The following ERBB4 variants were observed in gnomAD, a reference collection of about 807,000 sequenced individuals.
The protein encoded by ERBB4 is erb-b2 receptor tyrosine kinase 4.
A neutral mutation model predicts 158.0 loss-of-function variants in ERBB4; 42 were observed. That is an observed-to-expected ratio of 0.27 (90% CI 0.21 to 0.34). The LOEUF is 0.34. Ranked by LOEUF, ERBB4 falls within the 10% of genes least tolerant of loss-of-function variation. The probability of loss-of-function intolerance (pLI) is 1.00; values close to 1 mark genes in which losing one functional copy is unlikely to be tolerated. For synonymous variants in ERBB4, 583 were observed against 558.7 expected, an observed-to-expected ratio of 1.04 and a Z score of -0.61; for missense variants, 1,333 against 1,624.1, an observed-to-expected ratio of 0.82 and a Z score of 3.08.
chr2:212,489,177 C>A (rs1690137292), intron 1 of ERBB4, among the ~76,000 whole-genome samples: 1 of 151,502 alleles, frequency 6.6e-6, no homozygotes, highest in Non-Finnish European at 1.5e-5. Flanking sequence ...TGACCTTTTC[C>A]CCTTATATCC....
chr2:212,379,307 AC>A (rs2090427577), intron 1 of ERBB4, among the ~76,000 whole-genome samples: 1 of 151,782 alleles, frequency 6.6e-6, no homozygotes, highest in Non-Finnish European at 1.5e-5. Context: ...GCACACAGCA[AC>A]AAAGTAGTCG....
At chr2:211,454,065 C>T (rs2064318768) in intron 20 of ERBB4, among the ~76,000 whole-genome samples, 1 of 152,130 alleles carries the variant, frequency 6.6e-6, no homozygotes. Flanking sequence ...TCCCCAGATA[C>T]GTAGCTATAA....
At chr2:211,758,552 G>C (rs1379536510) in intron 4 of ERBB4, among the ~76,000 whole-genome samples, 1 of 152,168 alleles carries the variant, frequency 6.6e-6, no homozygotes, top group Non-Finnish European at 1.5e-5. Context: ...AACAGAATTA[G>C]TTCCAATCAA....
chr2:211,792,258 T>C (rs1042687936), intron 3 of ERBB4, among the ~76,000 whole-genome samples: 4 of 151,782 alleles, frequency 2.6e-5, no homozygotes, highest in Non-Finnish European at 5.9e-5. Context: ...TCATAAAGTA[T>C]GAAGCTGTTA....
intron 19 of ERBB4, among the ~76,000 whole-genome samples, chr2:211,618,798 G>A (rs1448104033): frequency 6.6e-6 from 1 of 152,016 alleles, no homozygotes; most frequent in East Asian, 1.9e-4. Context: ...ATGAGCTTTG[G>A]TTATTAAATG....
intron 9 of ERBB4, among the ~76,000 whole-genome samples, chr2:211,709,274 T>TATACATATATATATATATAC (rs1553615210): frequency 5.1e-5 from 7 of 136,548 alleles, no homozygotes; most frequent in African/African-American, 2.0e-4. Flanking sequence ...TATATATATA[T>TATACATATATATATATATAC]ACATACATAT....
intron 1 of ERBB4, among the ~76,000 whole-genome samples, chr2:212,208,341 T>C (rs2082827734): frequency 6.6e-6 from 1 of 152,136 alleles, no homozygotes; most frequent in Non-Finnish European, 1.5e-5. Flanking sequence ...TCAACCCATA[T>C]CCTTCTTTTC....
At chr2:212,190,004 A>G (rs1471489981) in intron 1 of ERBB4, among the ~76,000 whole-genome samples, 2 of 152,204 alleles carry the variant, frequency 1.3e-5, no homozygotes, top group African/African-American at 4.8e-5. Context: ...CCTTTTTATA[A>G]TAAAGCCTAC....
At chr2:212,509,723 G>A (rs577208889) in intron 1 of ERBB4, among the ~76,000 whole-genome samples, 1 of 152,000 alleles carries the variant, frequency 6.6e-6, no homozygotes, top group Admixed American at 6.6e-5. Flanking sequence ...CAGAGCCCCT[G>A]CTTCAGAAAC....
intron 1 of ERBB4, among the ~76,000 whole-genome samples, chr2:212,525,722 T>C (rs993392374): frequency 2.0e-5 from 3 of 152,064 alleles, no homozygotes; most frequent in Non-Finnish European, 4.4e-5. Context: ...GATAATACTT[T>C]TCCACAAAAA....
intron 16 of ERBB4, among the ~76,000 whole-genome samples, chr2:211,633,896 C>T (rs545057074): frequency 1.0e-3 from 156 of 152,248 alleles, no homozygotes; most frequent in Admixed American, 1.6e-3. Flanking sequence ...CAGTGGCTCA[C>T]GCCTGTAATC....
chr2:211,867,024 C>CAAAAAAAAAAA lies in ERBB4; in HGVS notation c.422-78876_422-78866dup, dbSNP rs386392490. Among the ~76,000 whole-genome samples, 17 of 60,632 alleles carry CAAAAAAAAAAA rather than the reference C, an allele frequency of 2.8e-4. 1 individual carries two copies. Among genetic ancestry groups the CAAAAAAAAAAA allele is most frequent in the Admixed American group, 9.8e-4 (4 of 4,064 alleles). 39.8% of individuals were successfully genotyped at this position (60,632 alleles called of 152,430 possible). A position where few individuals can be genotyped will look rare whatever the true frequency, so the allele number is the denominator to read the frequency against. On this transcript the variant is annotated intron_variant, in intron 3 of 27. Transcript: ENST00000342788. ...TATTAAACTCTCCATTCCTTAAAAC[C>CAAAAAAAAAAA]AAAAAAAAAAAAAAAAAAAAAAAAA...
At chr2:212,007,966 A>G (rs551567659) in intron 2 of ERBB4, among the ~76,000 whole-genome samples, 1 of 152,132 alleles carries the variant, frequency 6.6e-6, no homozygotes, top group East Asian at 1.9e-4. Context: ...AGGGCCTTAC[A>G]TATATTGGAT....
chr2:212,348,271 G>A (rs371965715), intron 1 of ERBB4, among the ~76,000 whole-genome samples: 1 of 152,042 alleles, frequency 6.6e-6, no homozygotes, highest in African/African-American at 2.4e-5. Context: ...TTTTGGTAAG[G>A]CACCTACTTA....
At chr2:212,287,391 T>G (rs2086031502) in intron 1 of ERBB4, among the ~76,000 whole-genome samples, 1 of 152,148 alleles carries the variant, frequency 6.6e-6, no homozygotes, top group South Asian at 2.1e-4. Flanking sequence ...GTATAACTTT[T>G]GATAATTTTT....
At chr2:211,981,726 A>G (rs770066892) in intron 2 of ERBB4, among the ~76,000 whole-genome samples, 1 of 152,146 alleles carries the variant, frequency 6.6e-6, no homozygotes, top group Non-Finnish European at 1.5e-5. Flanking sequence ...TAATCATTTT[A>G]TCTTTTGCTA....
intron 3 of ERBB4, among the ~76,000 whole-genome samples, chr2:211,913,617 A>ATGTGTGTGTGTGTGTGTGTGTGTG (rs879271352): frequency 2.5e-5 from 3 of 118,486 alleles, no homozygotes; most frequent in South Asian, 2.7e-4. Flanking sequence ...ATATATATAT[A>ATGTGTGTGTGTGTGTGTGTGTGTG]TATGTGTGTG....
chr2:211,657,671 T>C lies in ERBB4; in HGVS notation c.1946+83A>G, dbSNP rs79483821. Reference sequence around the variant, plus strand: ...ATTATGAGTTACAATATATTATAAATTTAACCCAACTGGTTAGTACTTTTT... The same window carrying C: ...ATTATGAGTTACAATATATTATAAACTTAACCCAACTGGTTAGTACTTTTT... On this transcript the variant is annotated intron_variant, in intron 16 of 27. Coordinates refer to ENST00000342788, the MANE Select transcript of ERBB4 (RefSeq NM_005235.3). The C allele has an allele frequency of 3.6e-3, 3,825 of 1,055,682 alleles. 93 individuals are homozygous for C. In the African/African-American group the frequency reaches 0.053, roughly 15 times the overall value. The allele number at this position is 1,055,682 out of a possible 1,614,324, so 65.4% of individuals were successfully genotyped here.
At position 211,587,591 on chromosome 2, in the gene ERBB4, TTTG is replaced by T. The variant is rs553617481; in HGVS notation, c.2302-25506_2302-25504del. Among the ~76,000 whole-genome samples the T allele has an allele frequency of 1.1e-4, 16 of 152,172 alleles. No individual in the cohort carries two copies. The East Asian group carries it at 3.1e-3, about 30-fold the overall frequency. ...AGCATGGCCCTGCCAACACCATCAT[TTTG>T]GAATTCTGGTTTCCAGAACTGTGAG... On this transcript the variant is annotated intron_variant, in intron 19 of 27. Transcript: ENST00000342788.
Sources: gnomAD v4.1 joint callset for allele counts (sites outside exome capture counted in the v4.1 genomes callset) on GRCh38, gnomAD v4.1.1 for gene constraint, MANE v1.5 for transcripts, NCBI Gene and HGNC (gene_info 2026-07-23, HGNC 2026-07-21) for gene names.